Variants in GALK2 observed in about 807,000 individuals in gnomAD.
GALK2 encodes the protein N-acetylgalactosamine kinase.
Under a neutral mutation model 52.4 loss-of-function variants are expected in GALK2, and 36 were observed. The ratio of observed to expected loss-of-function variants is 0.69; its 90% confidence interval spans 0.53 to 0.91. The LOEUF (loss-of-function observed/expected upper bound fraction) is 0.91, where lower values mean the gene tolerates loss of function less well. Ranked by LOEUF, GALK2 falls within the 40% of genes least tolerant of loss-of-function variation. The pLI is 0.00. For missense variants in GALK2, 579 were observed against 559.1 expected, an observed-to-expected ratio of 1.04 and a Z score of -0.36; for synonymous variants, 176 against 199.1, an observed-to-expected ratio of 0.88 and a Z score of 0.98.
chr15:49,244,439 C>A (rs189536012), intron 5 of GALK2, among the ~76,000 whole-genome samples: 20 of 152,220 alleles, frequency 1.3e-4, no homozygotes, highest in African/African-American at 4.8e-4. Flanking sequence ...GGAAAGAAAT[C>A]ATAATCAAAG....
At chr15:49,284,063 C>G (rs553824011) in intron 7 of GALK2, among the ~76,000 whole-genome samples, 15 of 152,310 alleles carry the variant, frequency 9.8e-5, no homozygotes, top group African/African-American at 3.4e-4. Flanking sequence ...AGCCTCACCC[C>G]TCCTGGTCCT....
At chr15:49,302,482 A>G (rs2035197444) in intron 8 of GALK2, among the ~76,000 whole-genome samples, 1 of 152,162 alleles carries the variant, frequency 6.6e-6, no homozygotes, top group Non-Finnish European at 1.5e-5. Flanking sequence ...TTCACGTTTA[A>G]TAAAAATGCA....
At chr15:49,365,895 A>T (rs779331245) in intron 3 of GALK2, 138 of 958,646 alleles carry the variant, frequency 1.4e-4, no homozygotes, top group Non-Finnish European at 2.2e-4. Context: ...GTGCAGCAAG[A>T]GAGTTGTACA....
At chr15:49,332,575 A>G (rs967108998), downstream of GALK2, among the ~76,000 whole-genome samples, 1 of 152,232 alleles carries the variant, frequency 6.6e-6, no homozygotes, top group Non-Finnish European at 1.5e-5. Context: ...AAGGAAGGAT[A>G]GAAACTTGAG....
chr15:49,256,453 C>A (rs2091818739), intron 5 of GALK2, among the ~76,000 whole-genome samples: 2 of 152,118 alleles, frequency 1.3e-5, no homozygotes, highest in South Asian at 4.1e-4. Flanking sequence ...TTGATGGAAC[C>A]ATCATTTGAT....
At chr15:49,344,504 C>T (rs2041185744) in intron 3 of GALK2, among the ~76,000 whole-genome samples, 1 of 152,168 alleles carries the variant, frequency 6.6e-6, no homozygotes, top group South Asian at 2.1e-4. Context: ...CTCTCATCCC[C>T]AATTGTGTGT....
chr15:49,217,345 T>C, intron 3 of GALK2, 32 bp downstream of exon 3: 8 of 1,608,138 alleles, frequency 5.0e-6, no homozygotes, highest in Non-Finnish European at 6.8e-6. Flanking sequence ...TGTGTGTGTA[T>C]GTATGGTTCT....
chr15:49,228,712 G>A (rs1162445637), intron 3 of GALK2, among the ~76,000 whole-genome samples: 1 of 5,894 alleles, frequency 1.7e-4, no homozygotes, highest in East Asian at 2.3e-3. Context: ...TTTTTTTTTT[G>A]CGATGGAGTC....
chr15:49,219,406 C>T (rs1024444376), intron 3 of GALK2, among the ~76,000 whole-genome samples: 2 of 152,182 alleles, frequency 1.3e-5, no homozygotes, highest in African/African-American at 4.8e-5. Context: ...TGTGAGGCTC[C>T]CGCAGCCATG....
At chr15:49,196,510 T>C (rs1431093405) in intron 1 of GALK2, among the ~76,000 whole-genome samples, 1 of 152,228 alleles carries the variant, frequency 6.6e-6, no homozygotes, top group African/African-American at 2.4e-5. Flanking sequence ...AATTTACTAA[T>C]GTTTCATTGT....
In GALK2 at chr15:49,292,470, C is replaced by G; in HGVS notation, c.900C>G (p.Ile300Met). Residue 300 changes from isoleucine (I) to methionine (M), a missense_variant, in exon 8 of 10, where the codon ATC (isoleucine) becomes ATG (methionine). Transcript: ENST00000560031. ...LHPEPYNPEE[I>M]CRCLGISLEE... ...CTGAACCCTATAACCCTGAGGAGATCTGCAGGTGTCTGGGAATTAGCCTGG... is the reference window on the plus strand; with the variant it reads ...CTGAACCCTATAACCCTGAGGAGATGTGCAGGTGTCTGGGAATTAGCCTGG... 1.9e-6 allele frequency: 3 copies of G among 1,614,062 alleles called. No homozygotes were observed. The highest frequency in any genetic ancestry group is 2.5e-6 in the Non-Finnish European group (3 of 1,179,982).
intron 3 of GALK2, among the ~76,000 whole-genome samples, chr15:49,228,842 C>T (rs988436424): frequency 6.7e-6 from 1 of 149,672 alleles, no homozygotes; most frequent in African/African-American, 2.5e-5. Flanking sequence ...TTACAGGCAC[C>T]CACCACCACA....
chr15:49,321,095 G>A (rs769381747), intron 9 of GALK2, among the ~76,000 whole-genome samples: 1 of 152,194 alleles, frequency 6.6e-6, no homozygotes, highest in Non-Finnish European at 1.5e-5. Context: ...GAATGGTAGT[G>A]ATAAGTGCTA....
intron 1 of GALK2, among the ~76,000 whole-genome samples, chr15:49,172,877 A>G (rs942081230): frequency 6.6e-6 from 1 of 152,082 alleles, no homozygotes; most frequent in Admixed American, 6.5e-5. Flanking sequence ...TTGTTGGATT[A>G]TTGCTATTTT....
rs370436045 is a variant in GALK2, at chr15:49,235,882, A to G, written c.298A>G (p.Ile100Val). The G allele has an allele frequency of 3.1e-6, 5 of 1,613,478 alleles. No individual in the cohort carries two copies. Among genetic ancestry groups the G allele is most frequent in the Admixed American group, 1.7e-5 (1 of 59,998 alleles). ...CAGTACTAGTGCTAATAACATCCAG[A>G]TTGATAAAACCAAGCCTTTGTGGCA... ...DFSTSANNIQ[I>V]DKTKPLWHNY... Residue 100 changes from isoleucine (I) to valine (V), a missense_variant, in exon 4 of 10, where the codon ATT becomes GTT. By Grantham distance (29) the Ile-to-Val change is conservative. Coordinates refer to ENST00000560031, the MANE Select transcript of GALK2 (RefSeq NM_002044.4).
chr15:49,211,078 A>G (rs2088845140), intron 2 of GALK2, among the ~76,000 whole-genome samples: 1 of 152,012 alleles, frequency 6.6e-6, no homozygotes, highest in Non-Finnish European at 1.5e-5. Flanking sequence ...CCTTTTAAAT[A>G]TAAATTCCAG....
intron 8 of GALK2, among the ~76,000 whole-genome samples, chr15:49,299,748 T>TTTCTTTCTTTCTTTCTTTCC: frequency 1.7e-5 from 2 of 117,800 alleles, no homozygotes; most frequent in South Asian, 3.0e-4. Context: ...TCTTTCTTTC[T>TTTCTTTCTTTCTTTCTTTCC]TTCTTTCTTT....
chr15:49,287,914 C>T (rs1277375338), intron 7 of GALK2, among the ~76,000 whole-genome samples: 1 of 151,684 alleles, frequency 6.6e-6, no homozygotes. Context: ...GCAATTTCTT[C>T]TATTCTCAAC....
At chr15:49,293,509 G>T (rs1489402870) in intron 8 of GALK2, among the ~76,000 whole-genome samples, 1 of 152,200 alleles carries the variant, frequency 6.6e-6, no homozygotes, top group Non-Finnish European at 1.5e-5. Flanking sequence ...ATTAGCTATG[G>T]CTGCCTTTGC....
Sources: allele counts gnomAD v4.1 joint callset (sites outside exome capture counted in the v4.1 genomes callset), GRCh38; gene constraint gnomAD v4.1.1; transcripts MANE v1.5; gene names NCBI Gene and HGNC (gene_info 2026-07-23, HGNC 2026-07-21).